Variants in CEMIP observed in about 807,000 individuals in gnomAD.
CEMIP encodes cell migration-inducing and hyaluronan-binding protein.
A neutral mutation model predicts 156.9 loss-of-function variants in CEMIP; 105 were observed. That is an observed-to-expected ratio of 0.67 (90% CI 0.57 to 0.79). The LOEUF is 0.79. Ranked by LOEUF, CEMIP falls within the 30% of genes least tolerant of loss-of-function variation. The pLI is 0.00. For synonymous variants in CEMIP, 676 were observed against 668.4 expected (o/e 1.01, Z -0.17); for missense variants, 1,457 against 1,769.4 (o/e 0.82, Z 3.17).
At chr15:80,819,411 C>T (rs189563311) in intron 1 of CEMIP, among the ~76,000 whole-genome samples, 59 of 152,284 alleles carry the variant, frequency 3.9e-4, no homozygotes, top group African/African-American at 1.2e-3. Flanking sequence ...TTGCTGGGTT[C>T]GGCTTGCTTA....
intron 1 of CEMIP, among the ~76,000 whole-genome samples, chr15:80,828,410 G>T (rs1037999249): frequency 6.6e-6 from 1 of 151,892 alleles, no homozygotes; most frequent in East Asian, 1.9e-4. Context: ...CGAATGCCAC[G>T]CAGCAGTCCC....
intron 1 of CEMIP, among the ~76,000 whole-genome samples, chr15:80,798,029 T>C (rs949128503): frequency 2.4e-4 from 36 of 152,254 alleles, no homozygotes; most frequent in African/African-American, 8.4e-4. Context: ...TCAAGGGAGG[T>C]ATTTTATTAC....
chr15:80,933,111 T>C (rs532805437), intron 22 of CEMIP, 134 bp from the exon 23 acceptor site: 53 of 774,958 alleles, frequency 6.8e-5, no homozygotes, highest in Admixed American at 2.7e-4. Flanking sequence ...GTGGTTTCTC[T>C]CAGTGCCCGA....
intron 28 of CEMIP, chr15:80,946,751 CA>C (rs1901572089): frequency 3.4e-6 from 2 of 582,566 alleles, no homozygotes; most frequent in South Asian, 3.7e-5. Context: ...CAACTGTGGC[CA>C]GATGTGTGGG....
intron 14 of CEMIP, among the ~76,000 whole-genome samples, chr15:80,913,859 T>C (rs7182025): frequency 0.81 from 123,043 of 152,252 alleles, 50,827 homozygotes; most frequent in Non-Finnish European, 0.89. Context: ...GCTAGCAGAG[T>C]AAAGGCTTGC....
intron 1 of CEMIP, among the ~76,000 whole-genome samples, chr15:80,786,280 G>A (rs376836974): frequency 2.6e-5 from 4 of 152,040 alleles, no homozygotes; most frequent in East Asian, 1.9e-4. Flanking sequence ...TTTGTCACCC[G>A]GGCTAGAGAG....
rs752033858 is a variant in CEMIP, at chr15:80,942,368, G to C, written c.3699+31G>C. ...TGCCTCTGGCCCCTGGAGGATTCGG[G>C]TTTGCTCATTGAGAGGTGATACTGT... On this transcript the variant is annotated intron_variant, in intron 27 of 29. Transcript: ENST00000394685. The C allele has an allele frequency of 3.2e-6, 5 of 1,577,064 alleles. No individual in the cohort carries two copies. In the South Asian group the frequency reaches 5.5e-5, roughly 17 times the overall value.
At chr15:80,857,046 G>A (rs902872403) in intron 1 of CEMIP, among the ~76,000 whole-genome samples, 6 of 152,224 alleles carry the variant, frequency 3.9e-5, no homozygotes, top group African/African-American at 1.4e-4. Context: ...CCCAGGAAAA[G>A]ACAAGCCTCT....
intron 1 of CEMIP, among the ~76,000 whole-genome samples, chr15:80,796,159 C>CG (rs976082211): frequency 6.6e-6 from 1 of 152,048 alleles, no homozygotes; most frequent in African/African-American, 2.4e-5. Flanking sequence ...TTTTGAGATG[C>CG]GGGGGCGTCT....
intron 17 of CEMIP, among the ~76,000 whole-genome samples, chr15:80,923,278 C>T (rs774116595): frequency 4.9e-4 from 74 of 152,168 alleles, no homozygotes; most frequent in East Asian, 1.9e-4. Flanking sequence ...GAATTAGTGC[C>T]GGGTAACAGA....
chr15:80,870,063 A>G (rs1351131616), intron 1 of CEMIP, among the ~76,000 whole-genome samples: 2 of 152,152 alleles, frequency 1.3e-5, no homozygotes, highest in Admixed American at 6.5e-5. Context: ...GCATCATCCC[A>G]GCGTTACAGA....
In CEMIP at chr15:80,948,838, A is replaced by T; in HGVS notation, c.4000A>T (p.Ile1334Phe). ...TGGCTTCAAAGGCAGCTTCCGGCCC[A>T]TCTGGGTGACACTGGACACTGAGGA... ...FVGFKGSFRP[I>F]WVTLDTEDHK... is the part of the protein sequence containing the mutation. The change falls in exon 30 of 30, where the codon ATC becomes TTC. Residue 1334 changes from isoleucine (I) to phenylalanine (F), a missense_variant. By Grantham distance (21) the Ile-to-Phe change is conservative. This residue lies in a region of CEMIP where 798 missense variants were observed against 980.1 expected (regional missense o/e 0.81). Transcript: ENST00000394685. 6.2e-6 allele frequency: 10 copies of T among 1,614,222 alleles called. No individual in the cohort carries two copies. Among genetic ancestry groups the T allele is most frequent in the Non-Finnish European group, 8.5e-6 (10 of 1,180,032 alleles).
chr15:80,795,331 G>A (rs952384970), intron 1 of CEMIP, among the ~76,000 whole-genome samples: 1 of 152,092 alleles, frequency 6.6e-6, no homozygotes, highest in Non-Finnish European at 1.5e-5. Flanking sequence ...ATAAATGCAG[G>A]AAGATGGCAG....
At chr15:80,819,009 A>G (rs796734612) in intron 1 of CEMIP, among the ~76,000 whole-genome samples, 48 of 152,290 alleles carry the variant, frequency 3.2e-4, no homozygotes, top group African/African-American at 1.1e-3. Flanking sequence ...TTATCTCTGC[A>G]TTGTCCCAGG....
chr15:80,781,951 T>C (rs1895809359), intron 1 of CEMIP, among the ~76,000 whole-genome samples: 1 of 152,180 alleles, frequency 6.6e-6, no homozygotes, highest in Non-Finnish European at 1.5e-5. Context: ...TGATAGGGAC[T>C]CCATCTTCAC....
At chr15:80,917,112 G>C (rs1900303376) in intron 14 of CEMIP, among the ~76,000 whole-genome samples, 1 of 152,164 alleles carries the variant, frequency 6.6e-6, no homozygotes, top group Non-Finnish European at 1.5e-5. Flanking sequence ...ATAAACAGCG[G>C]TCATTTTTCT....
intron 14 of CEMIP, among the ~76,000 whole-genome samples, chr15:80,917,550 GC>G (rs1355953677): frequency 6.6e-6 from 1 of 152,218 alleles, no homozygotes; most frequent in Non-Finnish European, 1.5e-5. Flanking sequence ...AGAAAGGAAA[GC>G]AGTCCCATTG....
At chr15:80,810,870 A>G (rs1371231897) in intron 1 of CEMIP, among the ~76,000 whole-genome samples, 1 of 152,142 alleles carries the variant, frequency 6.6e-6, no homozygotes, top group African/African-American at 2.4e-5. Context: ...ACATTCAGCC[A>G]TCCATGTCCT....
chr15:80,891,315 G>A (rs1426953442), intron 10 of CEMIP, among the ~76,000 whole-genome samples: 1 of 152,174 alleles, frequency 6.6e-6, no homozygotes, highest in Non-Finnish European at 1.5e-5. Flanking sequence ...TCCCAGCACA[G>A]ACACAGGCCC....
Sources: gnomAD v4.1 joint callset for allele counts (sites outside exome capture counted in the v4.1 genomes callset) on GRCh38, gnomAD v4.1.1 for gene constraint, gnomAD v4.1.1 regional missense constraint, MANE v1.5 for transcripts, NCBI Gene and HGNC (gene_info 2026-07-23, HGNC 2026-07-21) for gene names.